MCM9: variants seen among roughly 807,000 people sequenced by gnomAD.
MCM9 encodes minichromosome maintenance 9 homologous recombination repair factor, also known as DNA helicase MCM9.
Under a neutral mutation model 72.8 loss-of-function variants are expected in MCM9, and 55 were observed. That is an observed-to-expected ratio of 0.76 (90% CI 0.61 to 0.95). The LOEUF is 0.95. Ranked by LOEUF, MCM9 falls within the 40% of genes least tolerant of loss-of-function variation. The pLI is 0.00. For synonymous variants in MCM9, 480 were observed against 503.4 expected, an observed-to-expected ratio of 0.95 and a Z score of 0.62; for missense variants, 1,279 against 1,377.0, an observed-to-expected ratio of 0.93 and a Z score of 1.13.
chr6:118,816,169 T>C lies in MCM9; in HGVS notation c.2087A>G (p.Asn696Ser). 1.3e-6 allele frequency: 2 copies of C among 1,550,536 alleles called. No individual in the cohort carries two copies. The highest frequency in any genetic ancestry group is 1.4e-5 in the African/African-American group (1 of 73,162). ...NFRTSSQQEINYSTHIFSPGG... is the reference protein window; with the variant it reads ...NFRTSSQQEISYSTHIFSPGG... ...AGGAGAGAAGATATGTGTGCTATAGTTGATTTCCTGCTGTGATGAAGTTCT... is the reference window on the plus strand; with the variant it reads ...AGGAGAGAAGATATGTGTGCTATAGCTGATTTCCTGCTGTGATGAAGTTCT... The change falls in exon 14 of 14, where the codon AAC (asparagine) becomes AGC (serine). Residue 696 changes from asparagine to serine, a missense_variant. Transcript: ENST00000619706.
Position 118,924,168 on chromosome 6 carries a change from G to C in MCM9, c.305-41C>G, listed in dbSNP as rs748638739. 3.2e-6 allele frequency: 5 copies of C among 1,539,388 alleles called. No individual in the cohort carries two copies. In the East Asian group the frequency reaches 1.1e-4, roughly 35 times the overall value. ...AAAAAACAGCATCAACTTCAATCTT[G>C]AGATTTGACTCCAAGGGATATATTC... On this transcript the variant is annotated intron_variant, in intron 3 of 13. Transcript: ENST00000619706.
At chr6:118,879,859 C>T (rs940886183) in intron 8 of MCM9, among the ~76,000 whole-genome samples, 4 of 151,890 alleles carry the variant, frequency 2.6e-5, no homozygotes, top group Non-Finnish European at 4.4e-5. Context: ...GCCTGGCCAA[C>T]ATGGTGAAAC....
At chr6:118,894,611 T>TGTTCGGCGCCTGGCGGCCGC in intron 8 of MCM9, 2 of 1,178,638 alleles carry the variant, frequency 1.7e-6, no homozygotes, top group Non-Finnish European at 2.4e-6. Context: ...TGGGCGGCTG[T>TGTTCGGCGCCTGGCGGCCGC]GTTCGGCGCC....
At chr6:118,899,117 A>G (rs1779629949) in intron 8 of MCM9, among the ~76,000 whole-genome samples, 1 of 152,196 alleles carries the variant, frequency 6.6e-6, no homozygotes, top group East Asian at 1.9e-4. Context: ...TGGCCACACG[A>G]GGTCCATGCC....
intron 9 of MCM9, among the ~76,000 whole-genome samples, chr6:118,834,250 C>T (rs763357905): frequency 6.6e-6 from 1 of 152,150 alleles, no homozygotes; most frequent in African/African-American, 2.4e-5. Context: ...TTTCTTTATC[C>T]AGTCTATCAT....
intron 8 of MCM9, among the ~76,000 whole-genome samples, chr6:118,887,438 A>C (rs1778670615): frequency 6.6e-6 from 1 of 152,214 alleles, no homozygotes; most frequent in African/African-American, 2.4e-5. Context: ...CAAAAGTATG[A>C]ATTTGGACCC....
intron 8 of MCM9, among the ~76,000 whole-genome samples, chr6:118,872,855 C>G (rs1401713354): frequency 6.6e-6 from 1 of 151,850 alleles, no homozygotes; most frequent in Admixed American, 6.6e-5. Flanking sequence ...AAAATTTAAT[C>G]AGAAGAGAAA....
intron 8 of MCM9, among the ~76,000 whole-genome samples, chr6:118,867,892 T>C (rs1219427002): frequency 1.5e-4 from 22 of 150,134 alleles, no homozygotes; most frequent in African/African-American, 5.4e-4. Flanking sequence ...TTTCTTTTTT[T>C]TTGAGATGAA....
Position 118,827,440 on chromosome 6 carries a change from AG to A in MCM9, c.1732+486del, listed in dbSNP as rs546386546. On this transcript the variant is annotated intron_variant, in intron 11 of 13. Transcript: ENST00000619706. ...CTAAAATGTAAAAGCCAATGTTAGA[AG>A]AAAAGAATTAAGATACATGTTAGCT... is the stretch of plus-strand genomic sequence containing the variant. Among the ~76,000 whole-genome samples the A allele has an allele frequency of 1.8e-3, 278 of 152,344 alleles. 1 individual carries two copies. The highest frequency in any genetic ancestry group is 0.01 in the South Asian group (50 of 4,824).
chr6:118,859,248 T>A (rs1776759597), intron 8 of MCM9, among the ~76,000 whole-genome samples: 1 of 152,234 alleles, frequency 6.6e-6, no homozygotes. Flanking sequence ...ACCTCACATG[T>A]AATATAAAAA....
chr6:118,848,983 A>G (rs1333477015), intron 9 of MCM9, among the ~76,000 whole-genome samples: 1 of 150,592 alleles, frequency 6.6e-6, no homozygotes, highest in Non-Finnish European at 1.5e-5. Flanking sequence ...TTTTAAAAAA[A>G]TAAAACCGTT....
intron 9 of MCM9, among the ~76,000 whole-genome samples, chr6:118,844,823 C>T (rs1775745514): frequency 6.6e-6 from 1 of 151,778 alleles, no homozygotes; most frequent in African/African-American, 2.4e-5. Context: ...CAATTGTTTC[C>T]CAGCGCTGAC....
chr6:118,849,652 C>T (rs540344220), intron 9 of MCM9, among the ~76,000 whole-genome samples: 2 of 151,888 alleles, frequency 1.3e-5, no homozygotes, highest in South Asian at 4.1e-4. Flanking sequence ...GGTCCTTCTA[C>T]TTAGAGACTA....
chr6:118,873,190 A>C (rs2114331705), intron 8 of MCM9, among the ~76,000 whole-genome samples: 1 of 29,256 alleles, frequency 3.4e-5, no homozygotes, highest in Non-Finnish European at 7.4e-5. Context: ...AGGGGAGGGG[A>C]GAGGAGGGGA....
intron 3 of MCM9, among the ~76,000 whole-genome samples, chr6:118,929,025 G>T (rs996176516): frequency 6.6e-6 from 1 of 152,052 alleles, no homozygotes; most frequent in African/African-American, 2.4e-5. Context: ...TTCAAGACCA[G>T]CCTGAGCAAC....
intron 7 of MCM9, 63 bp from the exon 8 acceptor site, chr6:118,911,832 C>A: frequency 8.3e-7 from 1 of 1,207,558 alleles, no homozygotes; most frequent in Non-Finnish European, 1.2e-6. Context: ...GGAATGCCAA[C>A]AAAATATTAC....
chr6:118,925,637 T>C (rs992477696), intron 3 of MCM9, among the ~76,000 whole-genome samples: 2 of 152,184 alleles, frequency 1.3e-5, no homozygotes, highest in South Asian at 2.1e-4. Context: ...CATTTGCCCC[T>C]ATGACTCTTT....
At chr6:118,880,670 T>A (rs143624412) in intron 8 of MCM9, among the ~76,000 whole-genome samples, 1 of 152,352 alleles carries the variant, frequency 6.6e-6, no homozygotes, top group Admixed American at 6.5e-5. Context: ...ATAGTACTTC[T>A]AATGATTAAA....
At chr6:118,887,997 T>C (rs141953849) in intron 8 of MCM9, among the ~76,000 whole-genome samples, 3,530 of 152,162 alleles carry the variant, frequency 0.023, 157 homozygotes, top group African/African-American at 0.081. Flanking sequence ...CCACAGAAGA[T>C]ATACATAGGG....
Sources: allele counts gnomAD v4.1 joint callset (sites outside exome capture counted in the v4.1 genomes callset), GRCh38; gene constraint gnomAD v4.1.1; transcripts MANE v1.5; gene names NCBI Gene and HGNC (gene_info 2026-07-23, HGNC 2026-07-21).